Variants in PCDHA5 observed in about 807,000 individuals in gnomAD.
The protein encoded by PCDHA5 is protocadherin alpha 5, also known as protocadherin alpha-5.
In PCDHA5, 43 loss-of-function variants were observed where a neutral mutation model predicts 61.6. The observed-to-expected ratio is 0.70, with a 90% confidence interval of 0.55 to 0.90. The LOEUF is 0.90. Ranked by LOEUF, PCDHA5 falls within the 40% of genes least tolerant of loss-of-function variation. PCDHA5 has a pLI of 0.00. For missense variants in PCDHA5, 1,298 were observed against 1,222.7 expected (o/e 1.06, Z -0.92); for synonymous variants, 627 against 543.9 (o/e 1.15, Z -2.13).
At chr5:140,994,726 G>A (rs774837274) in intron 3 of PCDHA5, among the ~76,000 whole-genome samples, 1 of 151,958 alleles carries the variant, frequency 6.6e-6, no homozygotes, top group Non-Finnish European at 1.5e-5. Flanking sequence ...TAAAATACTG[G>A]GTATTGCAGG....
chr5:140,944,310 C>T (rs1036800359), intron 1 of PCDHA5, among the ~76,000 whole-genome samples: 6 of 152,132 alleles, frequency 3.9e-5, no homozygotes, highest in Non-Finnish European at 7.4e-5. Flanking sequence ...ACCTCAGCCT[C>T]CTGAGTAGCT....
chr5:140,974,309 TGA>T (rs1190034770), intron 1 of PCDHA5, among the ~76,000 whole-genome samples: 4 of 152,212 alleles, frequency 2.6e-5, no homozygotes, highest in South Asian at 4.1e-4. Context: ...CAACTGTGAG[TGA>T]GAGAGTAGCT....
intron 1 of PCDHA5, among the ~76,000 whole-genome samples, chr5:140,879,906 T>C (rs993531346): frequency 6.6e-6 from 1 of 152,214 alleles, no homozygotes; most frequent in Admixed American, 6.5e-5. Context: ...TCTCTCTCTA[T>C]GTGTTGGTTT....
At chr5:140,881,392 A>G (rs2058698624) in intron 1 of PCDHA5, 2 of 979,256 alleles carry the variant, frequency 2.0e-6, no homozygotes. Context: ...CGGTAAGTTA[A>G]ATTCTATTAA....
rs149152981 is a variant in PCDHA5, at chr5:140,822,972, C to T, written c.1197C>T (p.Thr399=). The T allele has an allele frequency of 2.1e-4, 333 of 1,614,132 alleles. No homozygotes were observed. Among genetic ancestry groups the T allele is most frequent in the Non-Finnish European group, 2.6e-4 (311 of 1,180,048 alleles). The change falls in exon 1 of 4, where the codon ACC becomes ACT. Residue 399 remains threonine (T), a synonymous_variant. Transcript: ENST00000529859. The part of the protein sequence containing the change: ...MPHVPFKLVS[T]FKNYYSLVLD... ...ACGTTCCCTTCAAGCTGGTGTCCAC[C>T]TTCAAGAATTACTACTCGTTGGTGC...
At chr5:140,972,660 A>ATTTTTTTT (rs11350929) in intron 1 of PCDHA5, among the ~76,000 whole-genome samples, 1 of 117,268 alleles carries the variant, frequency 8.5e-6, no homozygotes, top group Non-Finnish European at 1.7e-5. Context: ...AAGAAACCAA[A>ATTTTTTTT]TTTTTTTTTT....
Position 141,010,331 on chromosome 5 carries a change from T to C in PCDHA5, c.*394T>C. 6.5e-7 allele frequency: 1 copy of C among 1,537,904 alleles called. No homozygotes were observed. Among genetic ancestry groups the C allele is most frequent in the Non-Finnish European group, 8.8e-7 (1 of 1,142,160 alleles). On this transcript the variant is annotated 3_prime_UTR_variant, in exon 4 of 4. Transcript: ENST00000529859. The stretch of plus-strand genomic sequence containing the variant: ...TTTTGAGATTGAGCAGCTTGGGAGT[T>C]TGTGGCCACTGGGTATGTGTGGCTA...
chr5:140,995,511 A>G (rs561169284), intron 3 of PCDHA5, among the ~76,000 whole-genome samples: 1 of 152,342 alleles, frequency 6.6e-6, no homozygotes, highest in Admixed American at 6.5e-5. Flanking sequence ...TGGGTAACTG[A>G]AGCCTCAGAA....
chr5:140,937,219 T>C lies in PCDHA5; in HGVS notation c.2353-41730T>C, dbSNP rs555881657. Among the ~76,000 whole-genome samples the C allele has an allele frequency of 5.4e-3, 826 of 151,832 alleles. 4 individuals are homozygous for C. Among genetic ancestry groups the C allele is most frequent in the African/African-American group, 0.019 (796 of 41,458 alleles). ...TGCCCGGCTAATTTTTTGTATTTTT[T>C]GTAGAGACGGGGTTTCACCGTGTTA... On this transcript the variant is annotated intron_variant, in intron 1 of 3. Coordinates refer to ENST00000529859, the MANE Select transcript of PCDHA5 (RefSeq NM_018908.3).
rs1032326497 is a variant in PCDHA5, at chr5:140,858,875, C to A, written c.2352+34748C>A. ...TATCTCTTCAGTGAAAATGTGTTTT[C>A]CTCCATGTGTAGAATATGTGTAGCG... On this transcript the variant is annotated intron_variant, in intron 1 of 3. Transcript: ENST00000529859. 1.2e-5 allele frequency: 3 copies of A among 246,542 alleles called. No homozygotes were observed. The East Asian group carries it at 3.3e-4, about 27-fold the overall frequency. 15.3% of individuals were successfully genotyped at this position (246,542 alleles called of 1,614,324 possible).
intron 3 of PCDHA5, 22 bp downstream of exon 3, chr5:140,982,585 ATTCT>A: frequency 6.2e-7 from 1 of 1,611,974 alleles, no homozygotes; most frequent in Non-Finnish European, 8.5e-7. Flanking sequence ...GGGTCTCTCC[ATTCT>A]TTCTTGGTTT....
intron 1 of PCDHA5, chr5:140,851,195 TAGTC>T (rs1233299239): frequency 1.2e-5 from 14 of 1,207,754 alleles, no homozygotes; most frequent in Non-Finnish European, 1.5e-5. Context: ...ATTTAGTTGT[TAGTC>T]ATTCATTAAA....
chr5:140,843,751 T>A (rs2150366147), intron 1 of PCDHA5: 1 of 1,519,852 alleles, frequency 6.6e-7, no homozygotes, highest in Non-Finnish European at 9.0e-7. Context: ...ATAAATTCTA[T>A]TTGTGGAAAT....
chr5:140,884,792 G>A, intron 1 of PCDHA5: 1 of 1,312,776 alleles, frequency 7.6e-7, no homozygotes. Flanking sequence ...AGTTGTTATC[G>A]AATTTAACAA....
intron 1 of PCDHA5, among the ~76,000 whole-genome samples, chr5:140,885,818 G>C (rs2060726718): frequency 6.6e-6 from 1 of 151,914 alleles, no homozygotes; most frequent in African/African-American, 2.4e-5. Flanking sequence ...ATTTGTATTT[G>C]ATCTTCTTTG....
In PCDHA5 at chr5:140,822,088, C is replaced by A. The variant is rs2150113619; in HGVS notation, c.313C>A (p.Leu105Met). ...GCGGAGGGCGGAGTGCAGCATCCAC[C>A]TGGAGGTGATCGTGGACAGGCCGCT... ...CRRRAECSIH[L>M]EVIVDRPLQV... The change falls in exon 1 of 4, where the codon CTG (leucine) becomes ATG (methionine). Residue 105 changes from leucine (L) to methionine (M), a missense_variant. Leu to Met is a conservative substitution (Grantham distance 15). Coordinates refer to ENST00000529859, the MANE Select transcript of PCDHA5 (RefSeq NM_018908.3). 1 of 1,614,256 alleles carries A rather than the reference C, an allele frequency of 6.2e-7. No individual in the cohort carries two copies. Among genetic ancestry groups the A allele is most frequent in the Non-Finnish European group, 8.5e-7 (1 of 1,180,054 alleles).
intron 1 of PCDHA5, chr5:140,867,665 T>C (rs2050092984): frequency 6.6e-6 from 1 of 152,154 alleles, no homozygotes; most frequent in Non-Finnish European, 1.5e-5. Context: ...CACTTTCTAC[T>C]CTAAAATTTT....
intron 1 of PCDHA5, chr5:140,859,188 C>T (rs2045759773): frequency 6.7e-6 from 1 of 149,820 alleles, no homozygotes; most frequent in Non-Finnish European, 1.5e-5. Flanking sequence ...TTAGGCATTG[C>T]TTATGATATT....
chr5:141,006,568 T>C (rs2098278532), intron 3 of PCDHA5, among the ~76,000 whole-genome samples: 1 of 152,110 alleles, frequency 6.6e-6, no homozygotes, highest in Non-Finnish European at 1.5e-5. Flanking sequence ...CTCTGGCTAC[T>C]GTGTGGAGGG....
Sources: gnomAD v4.1 joint callset for allele counts (sites outside exome capture counted in the v4.1 genomes callset) on GRCh38, gnomAD v4.1.1 for gene constraint, MANE v1.5 for transcripts, NCBI Gene and HGNC (gene_info 2026-07-23, HGNC 2026-07-21) for gene names.